Variants in CABIN1 observed in about 807,000 individuals in gnomAD.
CABIN1 encodes calcineurin binding protein 1.
Under a neutral mutation model 227.7 loss-of-function variants are expected in CABIN1, and 133 were observed. The observed-to-expected ratio is 0.58, with a 90% CI of 0.51 to 0.67. The LOEUF (loss-of-function observed/expected upper bound fraction) is 0.67, where lower values mean the gene tolerates loss of function less well. Among genes scored for constraint, CABIN1 ranks in the 30% least tolerant of loss-of-function variants. The pLI, the probability that CABIN1 is intolerant of heterozygous loss-of-function variation, is 0.00. For missense variants in CABIN1, 2,408 were observed against 2,852.5 expected (o/e 0.84, Z 3.55); for synonymous variants, 1,086 against 1,155.1 (o/e 0.94, Z 1.21).
At chr22:24,110,564 C>CT (rs1350823562) in intron 26 of CABIN1, among the ~76,000 whole-genome samples, 14 of 152,146 alleles carry the variant, frequency 9.2e-5, no homozygotes, top group Non-Finnish European at 1.5e-4. Flanking sequence ...GAAAAATTAC[C>CT]TTTAACATTT....
Position 24,167,104 on chromosome 22 carries a change from G to A in CABIN1, c.5473G>A (p.Ala1825Thr), listed in dbSNP as rs766348932. The A allele has an allele frequency of 6.4e-5, 86 of 1,340,986 alleles. 1 individual carries two copies. The highest frequency in any genetic ancestry group is 2.8e-4 in the Middle Eastern group (1 of 3,510). The allele number at this position is 1,340,986 out of a possible 1,614,324, so 83.1% of individuals were successfully genotyped here. Residue 1825 changes from alanine (A) to threonine (T), a missense_variant, in exon 32 of 37, where the codon GCC becomes ACC. By Grantham distance (58) the Ala-to-Thr change is moderately conservative. Around this residue, in one of 3 missense-constraint regions of CABIN1, gnomAD observed 714 missense variants for 773.8 expected, o/e 0.92. Coordinates refer to ENST00000263119, the MANE Select transcript of CABIN1 (RefSeq NM_012295.4). Reference sequence around the variant, plus strand: ...CCAGCCAGCCCCCGCCCCCGCCCCCGCCACCACCACAGGGACCAGGGCAGG... The same window carrying A: ...CCAGCCAGCCCCCGCCCCCGCCCCCACCACCACCACAGGGACCAGGGCAGG... The part of the protein sequence containing the change: ...PAQPAPAPAP[A>T]TTTGTRAGGH...
In CABIN1 at chr22:24,166,922, G is replaced by A. The variant is rs771352424; in HGVS notation, c.5291G>A (p.Ser1764Asn). Reference sequence around the variant, plus strand: ...GGGCCCACTGAGCCCATGGACACGAGTGAGGCCACTGTTTGCCACTCAGAC... The same window carrying A: ...GGGCCCACTGAGCCCATGGACACGAATGAGGCCACTGTTTGCCACTCAGAC... ...RAGPTEPMDT[S>N]EATVCHSDLE... Residue 1764 changes from serine (S) to asparagine (N), a missense_variant, in exon 32 of 37, where the codon AGT (serine) becomes AAT (asparagine). Ser to Asn is a conservative substitution (Grantham distance 46). Coordinates refer to ENST00000263119, the MANE Select transcript of CABIN1 (RefSeq NM_012295.4). 3 of 1,605,966 alleles carry A rather than the reference G, an allele frequency of 1.9e-6. No individual in the cohort carries two copies. Among genetic ancestry groups the A allele is most frequent in the Middle Eastern group, 1.7e-4 (1 of 6,052 alleles).
intron 3 of CABIN1, among the ~76,000 whole-genome samples, chr22:24,036,798 A>C (rs970570223): frequency 6.6e-6 from 1 of 152,054 alleles, no homozygotes. Flanking sequence ...ATTTTATGGT[A>C]GAAATCAGGA....
intron 29 of CABIN1, among the ~76,000 whole-genome samples, chr22:24,149,388 G>A (rs2045350885): frequency 6.6e-6 from 1 of 152,162 alleles, no homozygotes; most frequent in African/African-American, 2.4e-5. Context: ...TACTACCATG[G>A]GCCCCCAGGG....
At chr22:24,069,117 G>A (rs558358601) in intron 16 of CABIN1, among the ~76,000 whole-genome samples, 1 of 152,218 alleles carries the variant, frequency 6.6e-6, no homozygotes, top group African/African-American at 2.4e-5. Context: ...TGGGTGTATA[G>A]TGGCGCTTTC....
At position 24,042,772 on chromosome 22, in the gene CABIN1, C is replaced by G. The variant is rs1459564353; in HGVS notation, c.346-132C>G. 6 of 815,076 alleles carry G rather than the reference C, an allele frequency of 7.4e-6. No individual in the cohort carries two copies. In the East Asian group the frequency reaches 1.6e-4, roughly 22 times the overall value. The allele number at this position is 815,076 out of a possible 1,614,324, so 50.5% of individuals were successfully genotyped here. A position where few individuals can be genotyped will look rare whatever the true frequency, so the allele number is the denominator to read the frequency against. ...GGAAGTTCAAGTGGCTGTGCCAGTG[C>G]CGTGCTCCTCCCGTCCCCGGGGTGC... On this transcript the variant is annotated intron_variant, in intron 5 of 36. Transcript: ENST00000263119.
chr22:24,108,988 T>G (rs2042663032), intron 26 of CABIN1, among the ~76,000 whole-genome samples: 1 of 152,244 alleles, frequency 6.6e-6, no homozygotes, highest in Non-Finnish European at 1.5e-5. Context: ...TTACTGTTTG[T>G]TAGGCACTGA....
At chr22:24,163,638 C>T (rs1030720378) in intron 29 of CABIN1, among the ~76,000 whole-genome samples, 1 of 152,212 alleles carries the variant, frequency 6.6e-6, no homozygotes, top group African/African-American at 2.4e-5. Context: ...CTCCTTAATG[C>T]CTGTTTCCTC....
At chr22:24,101,793 A>G (rs1265200079) in intron 26 of CABIN1, 2 of 152,202 alleles carry the variant, frequency 1.3e-5, no homozygotes, top group African/African-American at 2.4e-5. Flanking sequence ...TACTCTTTAT[A>G]CATATTCAAG....
intron 25 of CABIN1, 50 bp from the exon 26 acceptor site, chr22:24,097,964 C>T: frequency 6.2e-7 from 1 of 1,609,278 alleles, no homozygotes; most frequent in African/African-American, 1.3e-5. Flanking sequence ...ACATCTGTTT[C>T]AATGTGAGGT....
intron 27 of CABIN1, among the ~76,000 whole-genome samples, chr22:24,118,805 A>G (rs771798752): frequency 3.9e-5 from 6 of 152,202 alleles, no homozygotes; most frequent in Non-Finnish European, 7.3e-5. Context: ...CTGCTGCCCC[A>G]TGGCCCCTGG....
Position 24,085,155 on chromosome 22 carries a change from A to T in CABIN1, c.3263+4A>T. The T allele has an allele frequency of 6.2e-7, 1 of 1,614,230 alleles. No homozygotes were observed. The highest frequency in any genetic ancestry group is 8.5e-7 in the Non-Finnish European group (1 of 1,180,032). ...ACATCTGCATCTGCCCCAATAGGTC[A>T]GTGACCAGATCATGAGGCTAGGCTG... On this transcript the variant is annotated splice_donor_region_variant and intron_variant, in intron 22 of 36. Coordinates refer to ENST00000263119, the MANE Select transcript of CABIN1 (RefSeq NM_012295.4).
At chr22:24,093,878 T>TA (rs969104543) in intron 24 of CABIN1, among the ~76,000 whole-genome samples, 79 of 145,316 alleles carry the variant, frequency 5.4e-4, no homozygotes, top group East Asian at 1.2e-3. Flanking sequence ...AGACCTTGTC[T>TA]AAAAAAAAAA....
chr22:24,049,267 G>T, intron 7 of CABIN1, 47 bp downstream of exon 7: 1 of 1,604,018 alleles, frequency 6.2e-7, no homozygotes, highest in South Asian at 1.1e-5. Context: ...TTACTGTGTG[G>T]CTGGTGAAGG....
chr22:24,114,051 C>G (rs1452063136), intron 27 of CABIN1, among the ~76,000 whole-genome samples: 3 of 147,130 alleles, frequency 2.0e-5, no homozygotes, highest in Admixed American at 6.7e-5. Flanking sequence ...TATCAGTGTG[C>G]TCTGTTTTTG....
At position 24,063,062 on chromosome 22, in the gene CABIN1, G is replaced by C. The variant is rs760130531; in HGVS notation, c.1800G>C (p.Ser600=). The change falls in exon 14 of 37, where the codon TCG becomes TCC. Residue 600 remains serine (S), a synonymous_variant. Transcript: ENST00000263119. ...ACCTCCTACAGCTGTCATTTGCCTC[G>C]TCCCAGCGCGACCTGTTCGAGGATG... The part of the protein sequence containing the change: ...LGDLLQLSFA[S]SQRDLFEDGW... 6.2e-7 allele frequency: 1 copy of C among 1,614,166 alleles called. No homozygotes were observed. The highest frequency in any genetic ancestry group is 2.2e-5 in the East Asian group (1 of 44,882).
chr22:24,065,584 T>A (rs1229708813), intron 15 of CABIN1, among the ~76,000 whole-genome samples: 6 of 152,070 alleles, frequency 3.9e-5, no homozygotes, highest in Middle Eastern at 6.3e-3. Context: ...GAGACGCTCC[T>A]CACTTCCCAG....
At chr22:24,170,167 G>A (rs775866190) in intron 33 of CABIN1, 4 of 457,642 alleles carry the variant, frequency 8.7e-6, no homozygotes, top group African/African-American at 8.0e-5. Flanking sequence ...TCTGCCGTGG[G>A]CAGATTTGCG....
intron 16 of CABIN1, among the ~76,000 whole-genome samples, chr22:24,069,802 A>G (rs2039957716): frequency 6.6e-6 from 1 of 152,178 alleles, no homozygotes; most frequent in Admixed American, 6.5e-5. Context: ...CACATTCCAA[A>G]GGCAGTTCCA....
Sources: allele counts gnomAD v4.1 joint callset (sites outside exome capture counted in the v4.1 genomes callset), GRCh38; gene constraint gnomAD v4.1.1; regional missense constraint gnomAD v4.1.1; transcripts MANE v1.5; gene names NCBI Gene and HGNC (gene_info 2026-07-23, HGNC 2026-07-21).